DNAH12: variants seen among roughly 807,000 people sequenced by gnomAD.
The protein encoded by DNAH12 is dynein axonemal heavy chain 12, also known as axonemal beta dynein heavy chain 12.
DNAH12 carries 285 observed loss-of-function variants against 371.5 expected under a neutral mutation model. That is an observed-to-expected ratio of 0.77 (90% CI 0.70 to 0.85). DNAH12 has a LOEUF of 0.85. Among genes scored for constraint, DNAH12 ranks in the 40% least tolerant of loss-of-function variants. DNAH12 has a pLI of 0.00. For missense variants in DNAH12, 3,611 were observed against 3,689.4 expected, an observed-to-expected ratio of 0.98 and a Z score of 0.55; for synonymous variants, 1,200 against 1,213.0, an observed-to-expected ratio of 0.99 and a Z score of 0.22.
At chr3:57,308,906 G>C (rs1296324917) in intron 69 of DNAH12, among the ~76,000 whole-genome samples, 1 of 151,788 alleles carries the variant, frequency 6.6e-6, no homozygotes, top group African/African-American at 2.4e-5. Context: ...TAAGACAAAT[G>C]TTTCTTCTAA....
rs770668660 is a variant in DNAH12, at chr3:57,542,750, G to A, written c.121C>T (p.Leu41=). ...TGCTCCTTGGATCTTCTGTATTTTA[G>A]CAGCTTACTTTGTGTTGGTGTATCA... ...GVDTPTQSKL[L]KYRRSKEQQQ... Residue 41 remains leucine (L), a synonymous_variant, in exon 2 of 74, where the codon CTA becomes TTA. Coordinates refer to ENST00000495027, the MANE Select transcript of DNAH12 (RefSeq NM_001366028.2). The A allele has an allele frequency of 6.2e-7, 1 of 1,609,216 alleles. No homozygotes were observed. The highest frequency in any genetic ancestry group is 1.7e-5 in the Admixed American group (1 of 59,368).
At position 57,446,433 on chromosome 3, in the gene DNAH12, T is replaced by G; in HGVS notation, c.3939+104A>C. The G allele has an allele frequency of 4.9e-6, 7 of 1,436,814 alleles. No individual in the cohort carries two copies. The South Asian group carries it at 1.1e-4, about 22-fold the overall frequency. 89.0% of individuals were successfully genotyped at this position (1,436,814 alleles called of 1,614,324 possible). ...CCTAAAATGAAAGTCCAAGTAATATTCAAACCACATTCATGTTTAAACATG... is the reference window on the plus strand; with the variant it reads ...CCTAAAATGAAAGTCCAAGTAATATGCAAACCACATTCATGTTTAAACATG... On this transcript the variant is annotated intron_variant, in intron 26 of 73. Transcript: ENST00000495027.
chr3:57,323,591 G>C lies in DNAH12; in HGVS notation c.10007C>G (p.Thr3336Ser). The change falls in exon 63 of 74, where the codon ACT becomes AGT. Residue 3336 changes from threonine to serine, a missense_variant. Physicochemically the swap from Thr to Ser is moderately conservative, Grantham distance 58 (BLOSUM62 1). Around this residue, in one of 3 missense-constraint regions of DNAH12, gnomAD observed 2,266 missense variants for 2,236.9 expected, o/e 1.01. Coordinates refer to ENST00000495027, the MANE Select transcript of DNAH12 (RefSeq NM_001366028.2). The stretch of plus-strand genomic sequence containing the variant: ...TACAAACTTTTTCCCTAGTTTGTCA[G>C]TTACATAGTTTGTTATAGCTGGGGT... Reference protein sequence around the residue: ...KITPAITNYVTDKLGKKFVEP... With the variant: ...KITPAITNYVSDKLGKKFVEP... 3.2e-6 allele frequency: 5 copies of C among 1,549,178 alleles called. No homozygotes were observed. Among genetic ancestry groups the C allele is most frequent in the Non-Finnish European group, 4.4e-6 (5 of 1,146,328 alleles).
At position 57,322,473 on chromosome 3, in the gene DNAH12, G is replaced by A. The variant is rs748033264; in HGVS notation, c.10394C>T (p.Thr3465Ile). 4 of 1,551,392 alleles carry A rather than the reference G, an allele frequency of 2.6e-6. No individual in the cohort carries two copies. The highest frequency in any genetic ancestry group is 3.5e-6 in the Non-Finnish European group (4 of 1,146,926). The change falls in exon 65 of 74, where the codon ACA becomes ATA. Residue 3465 changes from threonine (T) to isoleucine (I), a missense_variant. Physicochemically the swap from Thr to Ile is moderately conservative, Grantham distance 89 (BLOSUM62 -1). Coordinates refer to ENST00000495027, the MANE Select transcript of DNAH12 (RefSeq NM_001366028.2). ...CATTTTTACTCCATTCTGTAGAATT[G>A]TTACTGGGAACTAAGACAAAATAAA... ...TSYPSSKFPV[T>I]ILQNGVKMTN...
At chr3:57,538,965 A>G (rs1293433729) in intron 2 of DNAH12, among the ~76,000 whole-genome samples, 2 of 152,208 alleles carry the variant, frequency 1.3e-5, no homozygotes, top group African/African-American at 2.4e-5. Flanking sequence ...TCAATTCTCT[A>G]TAAATGGTAC....
chr3:57,462,766 G>A lies in DNAH12; in HGVS notation c.2459C>T (p.Thr820Ile), dbSNP rs2066092921. The A allele has an allele frequency of 1.9e-6, 3 of 1,551,536 alleles. No individual in the cohort carries two copies. Among genetic ancestry groups the A allele is most frequent in the Non-Finnish European group, 2.6e-6 (3 of 1,146,934 alleles). ...GTTTAATTTTAAAACTTTTCTCAGT[G>A]TAGTTCCAGAGTCTGGAGTCAAGTC... ...GYDLTPDSGT[T>I]LRKVLKLNLT... The change falls in exon 18 of 74, where the codon ACA becomes ATA. Residue 820 changes from threonine to isoleucine, a missense_variant. Physicochemically the swap from Thr to Ile is moderately conservative, Grantham distance 89. Coordinates refer to ENST00000495027, the MANE Select transcript of DNAH12 (RefSeq NM_001366028.2).
At chr3:57,493,271 G>T (rs2067194510) in intron 11 of DNAH12, among the ~76,000 whole-genome samples, 1 of 151,610 alleles carries the variant, frequency 6.6e-6, no homozygotes, top group Non-Finnish European at 1.5e-5. Flanking sequence ...GAAAATATTT[G>T]AAAAAAGCCA....
rs371449432 is a variant in DNAH12, at chr3:57,448,468, G to A, written c.3787-1779C>T. ...TGGAGTTGTTCGTTCCTCCCAGGGG[G>A]GCTCGTGGTCTCGCTGGCTTCAGGA... is the stretch of plus-strand genomic sequence containing the variant. On this transcript the variant is annotated intron_variant, in intron 25 of 73. Transcript: ENST00000495027. Among the ~76,000 whole-genome samples, 11 of 152,318 alleles carry A rather than the reference G, an allele frequency of 7.2e-5. No individual in the cohort carries two copies. The East Asian group carries it at 9.6e-4, about 13-fold the overall frequency.
chr3:57,384,382 A>G (rs1360685782), intron 49 of DNAH12, among the ~76,000 whole-genome samples: 1 of 152,168 alleles, frequency 6.6e-6, no homozygotes, highest in Non-Finnish European at 1.5e-5. Flanking sequence ...CATGCCTGTA[A>G]TCCCAGCACT....
At chr3:57,342,122 C>T (rs1553656412) in intron 60 of DNAH12, among the ~76,000 whole-genome samples, 1 of 152,120 alleles carries the variant, frequency 6.6e-6, no homozygotes, top group East Asian at 1.9e-4. Flanking sequence ...AACTCAAAAT[C>T]TCTTCAAGAC....
chr3:57,491,434 G>A (rs902586838), intron 11 of DNAH12, among the ~76,000 whole-genome samples: 6 of 151,836 alleles, frequency 4.0e-5, no homozygotes, highest in Admixed American at 3.3e-4. Flanking sequence ...ATTACCTATC[G>A]GTCTATACAT....
chr3:57,460,072 T>A (rs1318662638), intron 19 of DNAH12, among the ~76,000 whole-genome samples: 1 of 152,026 alleles, frequency 6.6e-6, no homozygotes, highest in Non-Finnish European at 1.5e-5. Context: ...CAAGAATATA[T>A]CCTTCTCTAC....
intron 12 of DNAH12, among the ~76,000 whole-genome samples, chr3:57,485,439 C>T (rs1197520074): frequency 6.6e-6 from 1 of 151,170 alleles, no homozygotes; most frequent in African/African-American, 2.4e-5. Context: ...GACAGAGTCT[C>T]ACTCTGTTGC....
At chr3:57,473,480 C>T (rs1385038879) in intron 13 of DNAH12, among the ~76,000 whole-genome samples, 12 of 148,484 alleles carry the variant, frequency 8.1e-5, no homozygotes, top group African/African-American at 2.0e-4. Flanking sequence ...AGTGAGACTC[C>T]GTCTCAAAAA....
At chr3:57,540,042 C>T (rs943988041) in intron 2 of DNAH12, among the ~76,000 whole-genome samples, 1 of 151,850 alleles carries the variant, frequency 6.6e-6, no homozygotes. Flanking sequence ...ACAATCCTTT[C>T]TGTTGTGTTT....
At chr3:57,353,121 A>G (rs1326691192) in intron 59 of DNAH12, among the ~76,000 whole-genome samples, 1 of 131,506 alleles carries the variant, frequency 7.6e-6, no homozygotes, top group Admixed American at 7.7e-5. Flanking sequence ...GTCAGAAAAC[A>G]TATGGATAAA....
intron 43 of DNAH12, chr3:57,402,525 T>G: frequency 1.0e-6 from 1 of 976,914 alleles, no homozygotes; most frequent in Non-Finnish European, 1.4e-6. Context: ...CATTTATTTA[T>G]CTGAAATAAG....
intron 11 of DNAH12, among the ~76,000 whole-genome samples, chr3:57,499,673 T>C (rs4419351): frequency 0.14 from 6,494 of 44,910 alleles, 1,303 homozygotes; most frequent in African/African-American, 0.28. Context: ...TATATATATA[T>C]ATACTTCTTA....
Position 57,408,450 on chromosome 3 carries a change from G to C in DNAH12, c.6106C>G (p.Pro2036Ala). 6.4e-7 allele frequency: 1 copy of C among 1,551,478 alleles called. No individual in the cohort carries two copies. Among genetic ancestry groups the C allele is most frequent in the Non-Finnish European group, 8.7e-7 (1 of 1,146,898 alleles). The stretch of plus-strand genomic sequence containing the variant: ...TGTCGAATACAACGGGGAGTAACTG[G>C]ATTTCTTCCACCACCTGGAGGGCCC... ...AMGPPGGGRNPVTPRCIRHFN... is the reference protein window; with the variant it reads ...AMGPPGGGRNAVTPRCIRHFN... Residue 2036 changes from proline (P) to alanine (A), a missense_variant, in exon 40 of 74, where the codon CCA (proline) becomes GCA (alanine). Physicochemically the swap from Pro to Ala is conservative, Grantham distance 27. Coordinates refer to ENST00000495027, the MANE Select transcript of DNAH12 (RefSeq NM_001366028.2).
Sources: allele counts gnomAD v4.1 joint callset (sites outside exome capture counted in the v4.1 genomes callset), GRCh38; gene constraint gnomAD v4.1.1; regional missense constraint gnomAD v4.1.1; transcripts MANE v1.5; gene names NCBI Gene and HGNC (gene_info 2026-07-23, HGNC 2026-07-21).